The following SEMA4D variants were observed in gnomAD, a reference collection of about 807,000 sequenced individuals.
SEMA4D encodes semaphorin 4D.
A neutral mutation model predicts 74.8 loss-of-function variants in SEMA4D; 22 were observed. The ratio of observed to expected loss-of-function variants is 0.29; its 90% CI spans 0.21 to 0.42. The LOEUF (loss-of-function observed/expected upper bound fraction) is 0.42. Among genes scored for constraint, SEMA4D ranks in the 10% least tolerant of loss-of-function variants. SEMA4D has a pLI of 1.00. For missense variants in SEMA4D, 937 were observed against 1,118.4 expected (o/e 0.84, Z 2.31); for synonymous variants, 445 against 463.7 (o/e 0.96, Z 0.52).
In SEMA4D at chr9:89,492,928, CCT is replaced by C. The variant is rs1216025687; in HGVS notation, c.-310+4989_-310+4990del. On this transcript the variant is annotated intron_variant, in intron 1 of 15. Coordinates refer to ENST00000422704, the MANE Select transcript of SEMA4D (RefSeq NM_001371194.2). This position sits in a 1 kb window ranked among gnomAD's most constrained non-coding sequence, Gnocchi z 4.3. The stretch of plus-strand genomic sequence containing the variant: ...CCACCTGATTTTAAATCACAACCAC[CCT>C]CTCAACAAACCACTGGCCCCTTAAG... 6.6e-6 allele frequency among the ~76,000 whole-genome samples: 1 copy of C among 152,200 alleles called. No individual in the cohort carries two copies. The highest frequency in any genetic ancestry group is 1.5e-5 in the Non-Finnish European group (1 of 68,032).
In SEMA4D at chr9:89,377,859, T is replaced by G. The variant is rs1836069556; in HGVS notation, c.*845A>C. On this transcript the variant is annotated 3_prime_UTR_variant, in exon 16 of 16. Coordinates refer to ENST00000422704, the MANE Select transcript of SEMA4D (RefSeq NM_001371194.2). ...TTGCTCAAAACCCACCTCGTGGATG[T>G]GGGAAGGTCCTCTTCTTCGAGAGAG... The G allele has an allele frequency of 6.7e-6, 1 of 150,082 alleles. No individual in the cohort carries two copies. Among genetic ancestry groups the G allele is most frequent in the East Asian group, 2.0e-4 (1 of 4,958 alleles). 9.3% of individuals were successfully genotyped at this position (150,082 alleles called of 1,614,324 possible).
intron 13 of SEMA4D, chr9:89,384,730 C>T: frequency 1.0e-6 from 1 of 985,420 alleles, no homozygotes. Context: ...CGCACCTCCC[C>T]AGCTGTAGGA....
Position 89,387,439 on chromosome 9 carries a change from T to C in SEMA4D, c.1277A>G (p.Asp426Gly), listed in dbSNP as rs970171988. Residue 426 changes from aspartate (D) to glycine (G), a missense_variant, in exon 12 of 16, where the codon GAC (aspartate) becomes GGC (glycine). Transcript: ENST00000422704. ...KDVNYTQIVVDRTQALDGTVY... is the reference protein window; with the variant it reads ...KDVNYTQIVVGRTQALDGTVY... Reference sequence around the variant, plus strand: ...AGTCCCATCCAGGGCCTGGGTCCGGTCCACCACGATCTGGGTGTAGTTCAC... The same window carrying C: ...AGTCCCATCCAGGGCCTGGGTCCGGCCCACCACGATCTGGGTGTAGTTCAC... 4 of 1,614,090 alleles carry C rather than the reference T, an allele frequency of 2.5e-6. No individual in the cohort carries two copies. The African/African-American group carries it at 5.3e-5, about 22-fold the overall frequency.
chr9:89,452,307 C>T (rs966225213), intron 2 of SEMA4D, among the ~76,000 whole-genome samples: 1 of 151,434 alleles, frequency 6.6e-6, no homozygotes, highest in Non-Finnish European at 1.5e-5. Flanking sequence ...GCCTCCCAAG[C>T]AGCTGGGACT....
At chr9:89,402,620 G>A (rs1842450856) in intron 4 of SEMA4D, among the ~76,000 whole-genome samples, 1 of 151,964 alleles carries the variant, frequency 6.6e-6, no homozygotes, top group South Asian at 2.1e-4. Context: ...GTGGGCACAG[G>A]GCTCATGGCA....
chr9:89,400,368 T>G (rs1841933166), intron 4 of SEMA4D, among the ~76,000 whole-genome samples: 1 of 152,340 alleles, frequency 6.6e-6, no homozygotes, highest in Non-Finnish European at 1.5e-5. Context: ...CCTCTCTCTG[T>G]GATGTTCCAT....
intron 1 of SEMA4D, among the ~76,000 whole-genome samples, chr9:89,483,988 G>A (rs1296295004): frequency 6.6e-6 from 1 of 152,244 alleles, no homozygotes; most frequent in Non-Finnish European, 1.5e-5. Context: ...TATTACAGGA[G>A]TCATCTCATT....
In SEMA4D at chr9:89,381,110, C is replaced by T; in HGVS notation, c.1620-12G>A. The T allele has an allele frequency of 1.2e-6, 2 of 1,614,156 alleles. No individual in the cohort carries two copies. The highest frequency in any genetic ancestry group is 1.7e-6 in the Non-Finnish European group (2 of 1,180,038). On this transcript the variant is annotated splice_polypyrimidine_tract_variant and intron_variant, in intron 14 of 15. Transcript: ENST00000422704. This position sits in a 1 kb window ranked among gnomAD's most constrained non-coding sequence, Gnocchi z 4.6. ...CCTGAATCAAACCCCTGCAAAACAACCGGCACGTGTTATTCACCCACACAC... is the reference window on the plus strand; with the variant it reads ...CCTGAATCAAACCCCTGCAAAACAATCGGCACGTGTTATTCACCCACACAC...
intron 2 of SEMA4D, among the ~76,000 whole-genome samples, chr9:89,417,757 G>A (rs1041627552): frequency 9.2e-5 from 14 of 152,228 alleles, no homozygotes; most frequent in African/African-American, 2.7e-4. Context: ...CATCAGCCGC[G>A]GAGCTGCCAC....
chr9:89,426,787 C>A lies in SEMA4D; in HGVS notation c.-243-21088G>T, dbSNP rs141289393. On this transcript the variant is annotated intron_variant, in intron 2 of 15. Transcript: ENST00000422704. The stretch of plus-strand genomic sequence containing the variant: ...AAGCTCATAATTATTTTAAGACTCT[C>A]CTACATCTTAACCATATTCAAACCA... Among the ~76,000 whole-genome samples, 141 of 152,284 alleles carry A rather than the reference C, an allele frequency of 9.3e-4. No homozygotes were observed. In the Middle Eastern group the frequency reaches 0.01, roughly 11 times the overall value.
rs760218064 is a variant in SEMA4D at position 89,378,686 on chromosome 9, G to A, written c.*18C>T. 20 of 1,596,230 alleles carry A rather than the reference G, an allele frequency of 1.3e-5. No homozygotes were observed. Among genetic ancestry groups the A allele is most frequent in the Admixed American group, 3.3e-5 (2 of 59,904 alleles). On this transcript the variant is annotated 3_prime_UTR_variant, in exon 16 of 16. Coordinates refer to ENST00000422704, the MANE Select transcript of SEMA4D (RefSeq NM_001371194.2). The stretch of plus-strand genomic sequence containing the variant: ...GACACGTCGCAGCCGAGGCACCAGC[G>A]GGGATGCACAGCCGGCCTCAGTCTC...
intron 1 of SEMA4D, among the ~76,000 whole-genome samples, chr9:89,464,466 A>G (rs60658576): frequency 0.011 from 1,726 of 152,212 alleles, 35 homozygotes; most frequent in African/African-American, 0.038. Context: ...CACCTCCCCA[A>G]TGCCCAGGAT....
At chr9:89,469,554 T>A (rs1052901702) in intron 1 of SEMA4D, among the ~76,000 whole-genome samples, 1 of 152,130 alleles carries the variant, frequency 6.6e-6, no homozygotes, top group Non-Finnish European at 1.5e-5. Context: ...TCCAGTAATA[T>A]GTAAAAATAA....
chr9:89,362,627 C>T (rs770925406), intron 18 of SEMA4D, among the ~76,000 whole-genome samples: 33 of 152,332 alleles, frequency 2.2e-4, no homozygotes, highest in South Asian at 2.1e-4. Context: ...AGAGCAGCAG[C>T]GCATTCACTC....
chr9:89,426,022 G>A (rs762746001), intron 2 of SEMA4D, among the ~76,000 whole-genome samples: 1 of 152,242 alleles, frequency 6.6e-6, no homozygotes, highest in Non-Finnish European at 1.5e-5. Flanking sequence ...AACTGGTTCA[G>A]GACTACAGGC....
chr9:89,366,298 A>C (rs1244834447), intron 16 of SEMA4D, among the ~76,000 whole-genome samples: 3 of 152,318 alleles, frequency 2.0e-5, no homozygotes, highest in South Asian at 4.1e-4. Flanking sequence ...GGATTGTTTA[A>C]ATTTTTTCTT....
At chr9:89,413,346 G>T (rs1844941306) in intron 2 of SEMA4D, among the ~76,000 whole-genome samples, 1 of 152,186 alleles carries the variant, frequency 6.6e-6, no homozygotes, top group African/African-American at 2.4e-5. Context: ...ACCCCCAGGG[G>T]TCTTCAAATC....
chr9:89,464,325 G>A (rs1488570496), intron 1 of SEMA4D, among the ~76,000 whole-genome samples: 1 of 152,176 alleles, frequency 6.6e-6, no homozygotes, highest in Non-Finnish European at 1.5e-5. Context: ...CCTGCCTTCC[G>A]ACCTGGGTTT....
intron 2 of SEMA4D, among the ~76,000 whole-genome samples, chr9:89,445,181 T>C (rs143864680): frequency 9.2e-5 from 14 of 152,280 alleles, no homozygotes; most frequent in African/African-American, 2.9e-4. Context: ...GGATGAACTG[T>C]TGGATCTTTT....
Sources: allele counts gnomAD v4.1 joint callset (sites outside exome capture counted in the v4.1 genomes callset), GRCh38; gene constraint gnomAD v4.1.1; non-coding constraint Gnocchi (gnomAD v3.1); transcripts MANE v1.5; gene names NCBI Gene and HGNC (gene_info 2026-07-23, HGNC 2026-07-21).